PITPNC1: variants seen among roughly 807,000 people sequenced by gnomAD.
The protein encoded by PITPNC1 is cytoplasmic phosphatidylinositol transfer protein 1.
In PITPNC1, 18 loss-of-function variants were observed where a neutral mutation model predicts 44.7. That is an observed-to-expected ratio of 0.40 (90% CI 0.28 to 0.60). The LOEUF is 0.60. Ranked by LOEUF, PITPNC1 falls within the 20% of genes least tolerant of loss-of-function variation. The pLI is 0.39. For missense variants in PITPNC1, 290 were observed against 418.4 expected, an observed-to-expected ratio of 0.69 and a Z score of 2.68; for synonymous variants, 141 against 149.6, an observed-to-expected ratio of 0.94 and a Z score of 0.42.
At chr17:67,625,977 G>GT (rs1567746339) in intron 5 of PITPNC1, among the ~76,000 whole-genome samples, 6 of 149,234 alleles carry the variant, frequency 4.0e-5, no homozygotes, top group African/African-American at 1.2e-4. Flanking sequence ...TTTGTTTGTT[G>GT]TTTTTTTTTT....
intron 1 of PITPNC1, among the ~76,000 whole-genome samples, chr17:67,422,434 CT>C (rs2038684083): frequency 6.6e-6 from 1 of 152,194 alleles, no homozygotes. Flanking sequence ...GCTATGTTGC[CT>C]AGGCTGGTCT....
At chr17:67,636,427 C>T (rs2042033948) in intron 6 of PITPNC1, among the ~76,000 whole-genome samples, 1 of 152,216 alleles carries the variant, frequency 6.6e-6, no homozygotes, top group Admixed American at 6.5e-5. Context: ...CCCTGGCCCG[C>T]CCTGGAGTCT....
chr17:67,631,357 C>T (rs947756858), intron 5 of PITPNC1, among the ~76,000 whole-genome samples: 6 of 149,154 alleles, frequency 4.0e-5, no homozygotes, highest in Non-Finnish European at 7.4e-5. Context: ...TGGCCGGGCG[C>T]GGTGGCTCAC....
intron 1 of PITPNC1, among the ~76,000 whole-genome samples, chr17:67,464,217 T>C (rs1405069572): frequency 1.3e-5 from 2 of 151,956 alleles, no homozygotes; most frequent in Non-Finnish European, 2.9e-5. Context: ...AAATGATATT[T>C]TCTGTGTTCA....
intron 2 of PITPNC1, among the ~76,000 whole-genome samples, chr17:67,545,706 A>G (rs1050517472): frequency 2.6e-5 from 4 of 152,194 alleles, no homozygotes; most frequent in Non-Finnish European, 5.9e-5. Flanking sequence ...TAGCTGGTCA[A>G]GTTACTTGAC....
At chr17:67,579,538 T>C (rs961324487) in intron 5 of PITPNC1, among the ~76,000 whole-genome samples, 1 of 151,914 alleles carries the variant, frequency 6.6e-6, no homozygotes, top group Non-Finnish European at 1.5e-5. Flanking sequence ...GGCGCGTTGC[T>C]GGCCAAATTC....
intron 1 of PITPNC1, among the ~76,000 whole-genome samples, chr17:67,394,309 A>G (rs1377452523): frequency 1.3e-5 from 2 of 152,068 alleles, no homozygotes; most frequent in African/African-American, 2.4e-5. Context: ...GATTACAGGC[A>G]TGAGCCACCA....
At chr17:67,605,832 C>A (rs962887345) in intron 5 of PITPNC1, among the ~76,000 whole-genome samples, 1 of 152,166 alleles carries the variant, frequency 6.6e-6, no homozygotes, top group African/African-American at 2.4e-5. Context: ...AGAATAATAC[C>A]TAACACTTCT....
chr17:67,383,810 G>A (rs1246973470), intron 1 of PITPNC1, among the ~76,000 whole-genome samples: 1 of 152,042 alleles, frequency 6.6e-6, no homozygotes, highest in African/African-American at 2.4e-5. Flanking sequence ...AGGCTGAGGC[G>A]GGTGGATCAC....
rs1281814192 is a variant in PITPNC1, at chr17:67,523,761, T to G, written c.49-9041T>G. On this transcript the variant is annotated intron_variant, in intron 1 of 8. Transcript: ENST00000581322. ...GGGAGGGCCTCTCCAAATGCAACCCTAATTACTAGTGCTCCACCTCACCAG... is the reference window on the plus strand; with the variant it reads ...GGGAGGGCCTCTCCAAATGCAACCCGAATTACTAGTGCTCCACCTCACCAG... 3.4e-5 allele frequency among the ~76,000 whole-genome samples: 5 copies of G among 147,778 alleles called. No homozygotes were observed. In the East Asian group the frequency reaches 1.0e-3, roughly 30 times the overall value.
intron 5 of PITPNC1, among the ~76,000 whole-genome samples, chr17:67,630,122 G>T (rs1487878080): frequency 6.6e-6 from 1 of 152,156 alleles, no homozygotes; most frequent in Non-Finnish European, 1.5e-5. Flanking sequence ...GCCCTCTTGT[G>T]GGAGACTGTG....
chr17:67,545,328 C>T (rs117919326), intron 2 of PITPNC1, among the ~76,000 whole-genome samples: 2,161 of 151,664 alleles, frequency 0.014, 58 homozygotes, highest in South Asian at 0.037. Context: ...ATGGGTCTCC[C>T]AGCACTTTGG....
In PITPNC1 at chr17:67,572,477, G is replaced by GT. The variant is rs1555668924; in HGVS notation, c.295-5709_295-5708insT. On this transcript the variant is annotated intron_variant, in intron 4 of 8. Transcript: ENST00000581322. ...AAGAAGCTGGGTAAAGCGGGGGGGG[G>GT]GGGTAAAGAAGAAGGGGGGTGACTT... 5.2e-5 allele frequency among the ~76,000 whole-genome samples: 6 copies of GT among 116,122 alleles called. 1 individual carries two copies. The highest frequency in any genetic ancestry group is 2.0e-4 in the Admixed American group (2 of 10,200). The allele number at this position is 116,122 out of a possible 152,430, so 76.2% of individuals were successfully genotyped here. A position where few individuals can be genotyped will look rare whatever the true frequency, so the allele number is the denominator to read the frequency against.
intron 6 of PITPNC1, among the ~76,000 whole-genome samples, chr17:67,637,000 C>T (rs1471892097): frequency 6.6e-6 from 1 of 152,196 alleles, no homozygotes; most frequent in East Asian, 1.9e-4. Flanking sequence ...CATGCCCCCA[C>T]CACTGCTGGT....
intron 5 of PITPNC1, among the ~76,000 whole-genome samples, chr17:67,615,169 G>A (rs2041742175): frequency 6.6e-6 from 1 of 152,204 alleles, no homozygotes; most frequent in Non-Finnish European, 1.5e-5. Context: ...AGTTTGCCTT[G>A]GGAGGTTATT....
rs571272051 is a variant in PITPNC1 at position 67,513,489 on chromosome 17, GTATA to G, written c.49-19292_49-19289del. On this transcript the variant is annotated intron_variant, in intron 1 of 8. Coordinates refer to ENST00000581322, the MANE Select transcript of PITPNC1 (RefSeq NM_012417.4). ...ATATTTTTACTATATGTGTGTGTGT[GTATA>G]TATATATATATATATATATAGTAAA... is the stretch of plus-strand genomic sequence containing the variant. Among the ~76,000 whole-genome samples the G allele has an allele frequency of 1.7e-3, 242 of 138,646 alleles. 4 individuals carry two copies. The highest frequency in any genetic ancestry group is 5.2e-3 in the African/African-American group (196 of 37,376). The allele number at this position is 138,646 out of a possible 152,430, so 91.0% of individuals were successfully genotyped here.
chr17:67,531,536 C>G (rs944887736), intron 1 of PITPNC1, among the ~76,000 whole-genome samples: 5 of 152,210 alleles, frequency 3.3e-5, no homozygotes, highest in Non-Finnish European at 5.9e-5. Flanking sequence ...TCTTCACACT[C>G]CCGTCCCTGC....
chr17:67,540,417 T>G (rs528031502), intron 2 of PITPNC1, among the ~76,000 whole-genome samples: 5 of 152,178 alleles, frequency 3.3e-5, no homozygotes, highest in Non-Finnish European at 7.3e-5. Context: ...TTCCTTTTTT[T>G]AAAAGAAGAA....
At chr17:67,685,410 A>C (rs1373104655) in intron 8 of PITPNC1, among the ~76,000 whole-genome samples, 1 of 152,254 alleles carries the variant, frequency 6.6e-6, no homozygotes, top group African/African-American at 2.4e-5. Context: ...GTCCCAGACC[A>C]CAGTGAATTA....
Sources: gnomAD v4.1 joint callset for allele counts (sites outside exome capture counted in the v4.1 genomes callset) on GRCh38, gnomAD v4.1.1 for gene constraint, MANE v1.5 for transcripts, NCBI Gene and HGNC (gene_info 2026-07-23, HGNC 2026-07-21) for gene names.